Variants in SORBS2 observed in about 807,000 individuals in gnomAD.
SORBS2 encodes the protein sorbin and SH3 domain-containing protein 2.
SORBS2 carries 46 observed loss-of-function variants against 97.7 expected under a neutral mutation model. That is an observed-to-expected ratio of 0.47 (90% confidence interval 0.37 to 0.60). The LOEUF (loss-of-function observed/expected upper bound fraction) is 0.60. SORBS2 is among the 20% of genes least tolerant of loss of function. The probability of loss-of-function intolerance (pLI) is 0.00; values close to 1 mark genes in which losing one functional copy is unlikely to be tolerated. For missense variants in SORBS2, 1,316 were observed against 1,282.3 expected, an observed-to-expected ratio of 1.03 and a Z score of -0.40; for synonymous variants, 476 against 473.4, an observed-to-expected ratio of 1.01 and a Z score of -0.07.
intron 1 of SORBS2, among the ~76,000 whole-genome samples, chr4:185,804,757 A>G (rs939435327): frequency 2.6e-5 from 4 of 152,116 alleles, no homozygotes; most frequent in Admixed American, 2.6e-4. Flanking sequence ...CATTTTTTGA[A>G]TAATCTTTTG....
intron 1 of SORBS2, among the ~76,000 whole-genome samples, chr4:185,908,027 G>C (rs1215821352): frequency 1.3e-5 from 2 of 151,886 alleles, no homozygotes; most frequent in Admixed American, 1.3e-4. Flanking sequence ...GACCTGGAGA[G>C]GTCATCGGGC....
intron 1 of SORBS2, among the ~76,000 whole-genome samples, chr4:185,946,688 T>C (rs1172835758): frequency 6.6e-6 from 1 of 152,212 alleles, no homozygotes; most frequent in East Asian, 1.9e-4. Context: ...TTTCAAAATA[T>C]ATTAATGGAA....
intron 1 of SORBS2, among the ~76,000 whole-genome samples, chr4:185,907,001 T>A (rs1428924183): frequency 6.6e-6 from 1 of 152,046 alleles, no homozygotes; most frequent in Non-Finnish European, 1.5e-5. Flanking sequence ...CAGGGTGTGG[T>A]GGTGCGAGCC....
chr4:185,810,273 C>T (rs1484062052), intron 1 of SORBS2, among the ~76,000 whole-genome samples: 1 of 152,180 alleles, frequency 6.6e-6, no homozygotes, highest in East Asian at 1.9e-4. Flanking sequence ...AACTATTCTC[C>T]TACTGCTTTA....
At chr4:185,864,461 C>G (rs1051146715) in intron 1 of SORBS2, among the ~76,000 whole-genome samples, 1 of 152,134 alleles carries the variant, frequency 6.6e-6, no homozygotes, top group Non-Finnish European at 1.5e-5. Context: ...ATAGAAACAT[C>G]CAGCTGAAAC....
chr4:185,705,984 C>T (rs963422392), intron 2 of SORBS2, among the ~76,000 whole-genome samples: 11 of 152,198 alleles, frequency 7.2e-5, no homozygotes, highest in African/African-American at 2.7e-4. Context: ...AATCCACACT[C>T]ATTCCTGAAA....
Position 185,604,524 on chromosome 4 carries a change from C to T in SORBS2, c.2796+7256G>A, listed in dbSNP as rs118000550. Among the ~76,000 whole-genome samples, 199 of 152,238 alleles carry T rather than the reference C, an allele frequency of 1.3e-3. No individual in the cohort carries two copies. In the East Asian group the frequency reaches 0.016, roughly 13 times the overall value. On this transcript the variant is annotated intron_variant, in intron 12 of 14. Transcript: ENST00000418609. Reference sequence around the variant, plus strand: ...GTGCTTGCTCTCCCGAAGAAAATGACGGAGGCTTAAATATCGAGGAAAGAC... The same window carrying T: ...GTGCTTGCTCTCCCGAAGAAAATGATGGAGGCTTAAATATCGAGGAAAGAC...
At chr4:185,889,848 C>A (rs902441821) in intron 1 of SORBS2, among the ~76,000 whole-genome samples, 3 of 152,148 alleles carry the variant, frequency 2.0e-5, no homozygotes, top group Non-Finnish European at 2.9e-5. Flanking sequence ...TGCCTTCCTT[C>A]ATTCCACTCA....
At chr4:185,796,372 C>T (rs1343516108) in intron 1 of SORBS2, among the ~76,000 whole-genome samples, 1 of 152,260 alleles carries the variant, frequency 6.6e-6, no homozygotes, top group Admixed American at 6.5e-5. Context: ...CACTATCTCT[C>T]CATATCGGGC....
chr4:185,834,222 C>A (rs2099206697), intron 1 of SORBS2, among the ~76,000 whole-genome samples: 1 of 152,090 alleles, frequency 6.6e-6, no homozygotes, highest in Non-Finnish European at 1.5e-5. Flanking sequence ...ATTCAGACAA[C>A]CTACACTCAT....
intron 1 of SORBS2, among the ~76,000 whole-genome samples, chr4:185,779,874 A>G (rs1166987728): frequency 2.0e-5 from 3 of 152,326 alleles, no homozygotes; most frequent in African/African-American, 4.8e-5. Flanking sequence ...TTTCAAAGAC[A>G]TATTGAAACA....
At chr4:185,762,379 A>T (rs529914681) in intron 2 of SORBS2, among the ~76,000 whole-genome samples, 1 of 152,178 alleles carries the variant, frequency 6.6e-6, no homozygotes, top group Non-Finnish European at 1.5e-5. Flanking sequence ...TTCACAAGAG[A>T]TCAGGGATAG....
At chr4:185,943,558 G>A (rs1262072774) in intron 1 of SORBS2, among the ~76,000 whole-genome samples, 1 of 152,182 alleles carries the variant, frequency 6.6e-6, no homozygotes, top group Non-Finnish European at 1.5e-5. Context: ...ACTGTGGGAC[G>A]TTTTACAAGA....
chr4:185,879,225 T>G (rs1380197278), intron 1 of SORBS2, among the ~76,000 whole-genome samples: 1 of 141,098 alleles, frequency 7.1e-6, no homozygotes, highest in Non-Finnish European at 1.5e-5. Flanking sequence ...TGTGTCCATG[T>G]GTTCTCATTG....
intron 12 of SORBS2, among the ~76,000 whole-genome samples, chr4:185,596,012 CT>C (rs2096077255): frequency 6.6e-6 from 1 of 152,152 alleles, no homozygotes; most frequent in Admixed American, 6.5e-5. Context: ...AGCTACTACT[CT>C]TTCCCCAAAA....
In SORBS2 at chr4:185,641,797, A is replaced by G. The variant is rs141748902; in HGVS notation, c.396+4871T>C. Among the ~76,000 whole-genome samples the G allele has an allele frequency of 4.6e-3, 700 of 151,700 alleles. 7 individuals are homozygous for G. The highest frequency in any genetic ancestry group is 0.016 in the African/African-American group (665 of 41,350). ...AAAACCCACCAGCAAACCTCCGTTT[A>G]AAACTAACTTTGTTAGTCATCAGTG... On this transcript the variant is annotated intron_variant, in intron 4 of 14. Transcript: ENST00000418609.
At chr4:185,705,678 C>T (rs983525678) in intron 2 of SORBS2, among the ~76,000 whole-genome samples, 21 of 152,248 alleles carry the variant, frequency 1.4e-4, no homozygotes, top group African/African-American at 3.9e-4. Flanking sequence ...ATATCTGGTA[C>T]ATATTATTTA....
chr4:185,721,928 T>C (rs577458989), intron 2 of SORBS2, among the ~76,000 whole-genome samples: 2 of 152,324 alleles, frequency 1.3e-5, no homozygotes, highest in Admixed American at 1.3e-4. Context: ...ATATACATTT[T>C]TTTCCAAAAC....
chr4:185,642,874 C>T (rs1007619518), intron 4 of SORBS2, among the ~76,000 whole-genome samples: 1 of 152,192 alleles, frequency 6.6e-6, no homozygotes, highest in Non-Finnish European at 1.5e-5. Context: ...TGTTTTGAGA[C>T]CCACTGGGCC....
Sources: gnomAD v4.1 joint callset for allele counts (sites outside exome capture counted in the v4.1 genomes callset) on GRCh38, gnomAD v4.1.1 for gene constraint, MANE v1.5 for transcripts, NCBI Gene and HGNC (gene_info 2026-07-23, HGNC 2026-07-21) for gene names.